RPS19BP1: variants seen among roughly 807,000 people sequenced by gnomAD.
The protein encoded by RPS19BP1 is ribosomal protein S19 binding protein 1.
A neutral mutation model predicts 16.6 loss-of-function variants in RPS19BP1; 14 were observed. The observed-to-expected ratio is 0.84, with a 90% CI of 0.56 to 1.32. The LOEUF (loss-of-function observed/expected upper bound fraction) is 1.32. RPS19BP1 is among the 40% of genes most tolerant of loss of function. The pLI is 0.00. For synonymous variants in RPS19BP1, 90 were observed against 77.3 expected (o/e 1.16, Z -0.86); for missense variants, 188 against 178.6 (o/e 1.05, Z -0.30).
chr22:39,530,277 G>A, intron 2 of RPS19BP1: 1 of 272,250 alleles, frequency 3.7e-6, no homozygotes, highest in Non-Finnish European at 7.1e-6. Flanking sequence ...GGTGGAGGGT[G>A]CAATTTCAAA....
At position 39,532,564 on chromosome 22, in the gene RPS19BP1, G is replaced by A. The variant is rs11912016; in HGVS notation, c.53-41C>T. ...GAGGAAGAGACCCAGGTCAGAGGGCGCGCAGCGTTCCCATGCCACTGGGGC... is the reference window on the plus strand; with the variant it reads ...GAGGAAGAGACCCAGGTCAGAGGGCACGCAGCGTTCCCATGCCACTGGGGC... On this transcript the variant is annotated intron_variant, in intron 1 of 3. Transcript: ENST00000334678. 2.5e-4 allele frequency: 411 copies of A among 1,611,940 alleles called. 1 individual carries two copies. In the African/African-American group the frequency reaches 5.3e-3, roughly 21 times the overall value.
chr22:39,532,201 G>T, intron 2 of RPS19BP1, 194 bp downstream of exon 2: 2 of 656,008 alleles, frequency 3.0e-6, no homozygotes, highest in Non-Finnish European at 2.6e-6. Flanking sequence ...TCCCCACTAG[G>T]GCCGTAGTCC....
chr22:39,529,701 C>G, intron 3 of RPS19BP1, 78 bp from the exon 4 acceptor site: 1 of 1,600,042 alleles, frequency 6.2e-7, no homozygotes, highest in Non-Finnish European at 8.5e-7. Flanking sequence ...GAGTTCGGCG[C>G]AGGGCAGGGC....
intron 2 of RPS19BP1, chr22:39,531,018 G>T (rs1009560405): frequency 6.6e-6 from 1 of 152,302 alleles, no homozygotes; most frequent in African/African-American, 2.4e-5. Context: ...TCAGGCAAGA[G>T]ACGATGCAGC....
rs563582744 is a variant in RPS19BP1 at position 39,529,208 on chromosome 22, C to A, written c.*284G>T. The A allele has an allele frequency of 6.2e-5, 28 of 452,616 alleles. 1 individual carries two copies. Among genetic ancestry groups the A allele is most frequent in the Non-Finnish European group, 1.1e-4 (27 of 249,140 alleles). 28.0% of individuals were successfully genotyped at this position (452,616 alleles called of 1,614,324 possible). On this transcript the variant is annotated 3_prime_UTR_variant, in exon 4 of 4. Coordinates refer to ENST00000334678, the MANE Select transcript of RPS19BP1 (RefSeq NM_194326.4). Reference sequence around the variant, plus strand: ...TCCACAGCAAACAGCCCAGAGGCCCCACCTGGGCAAAAGCAAACAAAACAG... The same window carrying A: ...TCCACAGCAAACAGCCCAGAGGCCCAACCTGGGCAAAAGCAAACAAAACAG...
rs1428662008 is a variant in RPS19BP1 at position 39,532,456 on chromosome 22, C to T, written c.120G>A (p.Lys40=). 1 of 1,614,250 alleles carries T rather than the reference C, an allele frequency of 6.2e-7. No individual in the cohort carries two copies. Among genetic ancestry groups the T allele is most frequent in the Non-Finnish European group, 8.5e-7 (1 of 1,180,054 alleles). ...TCCGCAGTTTCTGGGCCTGAATTGC[C>T]TTCGTCTTCCGGGGCCGTTTCACCG... The part of the protein sequence containing the change: ...GAPVKRPRKT[K]AIQAQKLRNS... Residue 40 remains lysine, a synonymous_variant, in exon 2 of 4, where the codon AAG becomes AAA. Coordinates refer to ENST00000334678, the MANE Select transcript of RPS19BP1 (RefSeq NM_194326.4).
chr22:39,530,451 CG>C (rs1345234622), intron 2 of RPS19BP1: 1 of 237,160 alleles, frequency 4.2e-6, no homozygotes, highest in Non-Finnish European at 8.7e-6. Context: ...TGGCTGGGTG[CG>C]GTGGCTCACA....
In RPS19BP1 at chr22:39,532,722, A is replaced by T. The variant is rs1478939979; in HGVS notation, c.17T>A (p.Leu6Gln). 6.5e-7 allele frequency: 1 copy of T among 1,544,526 alleles called. No homozygotes were observed. The highest frequency in any genetic ancestry group is 1.2e-5 in the South Asian group (1 of 84,714). The change falls in exon 1 of 4, where the codon CTG (leucine) becomes CAG (glutamine). Residue 6 changes from leucine (L) to glutamine (Q), a missense_variant. Coordinates refer to ENST00000334678, the MANE Select transcript of RPS19BP1 (RefSeq NM_194326.4). MSAAL[L>Q]RRGLELLAAS... The stretch of plus-strand genomic sequence containing the variant: ...CGCCAGCAGCTCCAGGCCCCGCCGC[A>T]GCAGGGCGGCGGACATGGCGGCGCT...
rs1931245758 is a variant in RPS19BP1 at position 39,529,474 on chromosome 22, C to T, written c.*18G>A. The stretch of plus-strand genomic sequence containing the variant: ...GCTGCAGGGCTTGAAGGCCTCTTCA[C>T]CGTGCCCTCCAGGGAGCCTAGCTGC... On this transcript the variant is annotated 3_prime_UTR_variant, in exon 4 of 4. Coordinates refer to ENST00000334678, the MANE Select transcript of RPS19BP1 (RefSeq NM_194326.4). 6.2e-7 allele frequency: 1 copy of T among 1,613,762 alleles called. No individual in the cohort carries two copies.
chr22:39,532,534 A>C lies in RPS19BP1; in HGVS notation c.53-11T>G, dbSNP rs895557294. 2.5e-6 allele frequency: 4 copies of C among 1,613,368 alleles called. No individual in the cohort carries two copies. The highest frequency in any genetic ancestry group is 1.7e-5 in the Admixed American group (1 of 59,974). On this transcript the variant is annotated splice_polypyrimidine_tract_variant and intron_variant, in intron 1 of 3. Coordinates refer to ENST00000334678, the MANE Select transcript of RPS19BP1 (RefSeq NM_194326.4). The stretch of plus-strand genomic sequence containing the variant: ...GAGGGTCCCGGGGGGCTGTAGGGGA[A>C]GAGAGAGGAAGAGACCCAGGTCAGA...
At chr22:39,529,979 C>T in intron 2 of RPS19BP1, 62 bp from the exon 3 acceptor site, 2 of 1,376,766 alleles carry the variant, frequency 1.5e-6, no homozygotes, top group Non-Finnish European at 2.1e-6. Context: ...ATTCTCAGTC[C>T]CTGGCCCATG....
Position 39,529,382 on chromosome 22 carries a change from C to A in RPS19BP1, c.*110G>T. The A allele has an allele frequency of 1.4e-6, 2 of 1,446,556 alleles. No homozygotes were observed. Among genetic ancestry groups the A allele is most frequent in the Non-Finnish European group, 1.9e-6 (2 of 1,063,406 alleles). 89.6% of individuals were successfully genotyped at this position (1,446,556 alleles called of 1,614,324 possible). A position where few individuals can be genotyped will look rare whatever the true frequency, so the allele number is the denominator to read the frequency against. ...AGCTCCGCGGCTTCCTCGAGCCAGG[C>A]TGGTCCTGCATCGCCATCTGCTGGC... On this transcript the variant is annotated 3_prime_UTR_variant, in exon 4 of 4. Coordinates refer to ENST00000334678, the MANE Select transcript of RPS19BP1 (RefSeq NM_194326.4).
In RPS19BP1 at chr22:39,529,178, C is replaced by G. The variant is rs1353613688; in HGVS notation, c.*314G>C. On this transcript the variant is annotated 3_prime_UTR_variant, in exon 4 of 4. Transcript: ENST00000334678. Reference sequence around the variant, plus strand: ...CGTCCCCAAGGGCTCAGGAATTAGCCTTGCTCCACAGCAAACAGCCCAGAG... The same window carrying G: ...CGTCCCCAAGGGCTCAGGAATTAGCGTTGCTCCACAGCAAACAGCCCAGAG... 2 of 377,944 alleles carry G rather than the reference C, an allele frequency of 5.3e-6. No individual in the cohort carries two copies. The highest frequency in any genetic ancestry group is 9.8e-6 in the Non-Finnish European group (2 of 203,828). 23.4% of individuals were successfully genotyped at this position (377,944 alleles called of 1,614,324 possible).
chr22:39,529,141 T>A lies in RPS19BP1; in HGVS notation c.*351A>T, dbSNP rs1569029430. ...CTTGGAAGCCCACCCTTCTTCCTAC[T>A]CCTGGAGCTGTCGTCCCCAAGGGCT... On this transcript the variant is annotated 3_prime_UTR_variant, in exon 4 of 4. Coordinates refer to ENST00000334678, the MANE Select transcript of RPS19BP1 (RefSeq NM_194326.4). 1.0e-5 allele frequency: 3 copies of A among 299,126 alleles called. No homozygotes were observed. The highest frequency in any genetic ancestry group is 1.9e-5 in the Non-Finnish European group (3 of 155,274). 18.5% of individuals were successfully genotyped at this position (299,126 alleles called of 1,614,324 possible).
At chr22:39,532,341 G>A in intron 2 of RPS19BP1, 54 bp downstream of exon 2, 2 of 1,612,548 alleles carry the variant, frequency 1.2e-6, no homozygotes, top group Admixed American at 3.4e-5. Flanking sequence ...CACCTCCTCT[G>A]GGGCGCAGGT....
chr22:39,529,261 G>T lies in RPS19BP1; in HGVS notation c.*231C>A. The stretch of plus-strand genomic sequence containing the variant: ...ACGTTCCTTTCCGGCAGGTGCAGAT[G>T]CTCTGCCCAGGCCTGCGGAAGCCAG... On this transcript the variant is annotated 3_prime_UTR_variant, in exon 4 of 4. Coordinates refer to ENST00000334678, the MANE Select transcript of RPS19BP1 (RefSeq NM_194326.4). 5.1e-6 allele frequency: 3 copies of T among 587,670 alleles called. No individual in the cohort carries two copies. The highest frequency in any genetic ancestry group is 8.9e-6 in the Non-Finnish European group (3 of 335,844). 36.4% of individuals were successfully genotyped at this position (587,670 alleles called of 1,614,324 possible).
Position 39,529,574 on chromosome 22 carries a change from T to C in RPS19BP1, c.329A>G (p.Lys110Arg), listed in dbSNP as rs1378296586. 2 of 1,614,112 alleles carry C rather than the reference T, an allele frequency of 1.2e-6. No individual in the cohort carries two copies. The highest frequency in any genetic ancestry group is 1.3e-5 in the African/African-American group (1 of 74,950). ...GRKACDRPVA[K>R]TKKKKAEGTV... ...GCCCTCAGCCTTCTTCTTCTTGGTC[T>C]TGGCCACAGGCCGGTCACAGGCCTT... Residue 110 changes from lysine (K) to arginine (R), a missense_variant, in exon 4 of 4, where the codon AAG becomes AGG. Physicochemically the swap from Lys to Arg is conservative, Grantham distance 26. Transcript: ENST00000334678.
intron 2 of RPS19BP1, chr22:39,530,449 T>G (rs1601767534): frequency 4.2e-6 from 1 of 238,770 alleles, no homozygotes; most frequent in South Asian, 3.6e-5. Context: ...AATGGCTGGG[T>G]GCGGTGGCTC....
chr22:39,529,557 C>T lies in RPS19BP1; in HGVS notation c.346G>A (p.Ala116Thr), dbSNP rs1239878539. 1.2e-6 allele frequency: 2 copies of T among 1,614,218 alleles called. No homozygotes were observed. Among genetic ancestry groups the T allele is most frequent in the Non-Finnish European group, 1.7e-6 (2 of 1,180,016 alleles). Reference sequence around the variant, plus strand: ...TCCTCGGTGAACACGGTGCCCTCAGCCTTCTTCTTCTTGGTCTTGGCCACA... The same window carrying T: ...TCCTCGGTGAACACGGTGCCCTCAGTCTTCTTCTTCTTGGTCTTGGCCACA... ...RPVAKTKKKK[A>T]EGTVFTEEDF... Residue 116 changes from alanine to threonine, a missense_variant, in exon 4 of 4, where the codon GCT becomes ACT. Physicochemically the swap from Ala to Thr is moderately conservative, Grantham distance 58 (BLOSUM62 0). Transcript: ENST00000334678.
Sources: gnomAD v4.1 joint callset for allele counts on GRCh38, gnomAD v4.1.1 for gene constraint, MANE v1.5 for transcripts, NCBI Gene and HGNC (gene_info 2026-07-23, HGNC 2026-07-21) for gene names.